LRRC20: variants seen among roughly 807,000 people sequenced by gnomAD.
LRRC20 encodes leucine rich repeat containing 20.
A neutral mutation model predicts 14.4 loss-of-function variants in LRRC20; 11 were observed. The ratio of observed to expected loss-of-function variants is 0.77; its 90% confidence interval spans 0.48 to 1.27. The LOEUF (loss-of-function observed/expected upper bound fraction) is 1.27. LRRC20 is among the 50% of genes most tolerant of loss of function. The pLI, the probability that LRRC20 is intolerant of heterozygous loss-of-function variation, is 0.00. For missense variants in LRRC20, 219 were observed against 251.2 expected (o/e 0.87, Z 0.87); for synonymous variants, 121 against 107.3 (o/e 1.13, Z -0.79).
At chr10:70,317,210 CAG>C (rs1841896547) in intron 4 of LRRC20, among the ~76,000 whole-genome samples, 4 of 152,194 alleles carry the variant, frequency 2.6e-5, no homozygotes, top group Admixed American at 6.5e-5. Context: ...CAGGATTGAG[CAG>C]AGTTTGATTC....
At chr10:70,376,981 C>A (rs533127084) in intron 1 of LRRC20, among the ~76,000 whole-genome samples, 1 of 152,340 alleles carries the variant, frequency 6.6e-6, no homozygotes, top group African/African-American at 2.4e-5. Flanking sequence ...GAGAAAGACA[C>A]CTGTCCCTCC....
intron 1 of LRRC20, among the ~76,000 whole-genome samples, chr10:70,379,853 G>A (rs1339828424): frequency 2.0e-5 from 3 of 152,308 alleles, no homozygotes; most frequent in African/African-American, 4.8e-5. Context: ...TGTAGTGGGA[G>A]AGGAATGAAA....
intron 2 of LRRC20, among the ~76,000 whole-genome samples, chr10:70,363,258 AGGGAAGGGGAG>A (rs1843822731): frequency 1.0e-5 from 1 of 96,844 alleles, no homozygotes; most frequent in South Asian, 3.8e-4. Context: ...GGTGGAGGGG[AGGGAAGGGGAG>A]GGGAGGGGAG....
intron 4 of LRRC20, among the ~76,000 whole-genome samples, chr10:70,304,473 T>TATAG (rs1272949523): frequency 8.9e-5 from 1 of 11,176 alleles, no homozygotes; most frequent in African/African-American, 4.6e-4. Context: ...CACTTCTTTA[T>TATAG]ATATATATAT....
At position 70,366,277 on chromosome 10, in the gene LRRC20, A is replaced by G. The variant is rs368017936; in HGVS notation, c.82+10175T>C. On this transcript the variant is annotated intron_variant, in intron 2 of 4. Transcript: ENST00000446961. ...GTCTCTACTAAAAATATAAAAATTA[A>G]CCAGGCATGGTGGCAGGCGCCTGTA... Among the ~76,000 whole-genome samples the G allele has an allele frequency of 4.8e-3, 702 of 145,704 alleles. 1 individual carries two copies. The highest frequency in any genetic ancestry group is 7.9e-3 in the Non-Finnish European group (520 of 66,120).
intron 3 of LRRC20, among the ~76,000 whole-genome samples, chr10:70,325,215 C>A (rs1187361767): frequency 6.6e-6 from 1 of 152,200 alleles, no homozygotes; most frequent in South Asian, 2.1e-4. Flanking sequence ...AAGGGCCCCG[C>A]ACTTGGGGTG....
At chr10:70,360,975 A>G (rs1217716422) in intron 2 of LRRC20, among the ~76,000 whole-genome samples, 1 of 151,508 alleles carries the variant, frequency 6.6e-6, no homozygotes, top group Admixed American at 6.6e-5. Flanking sequence ...ACTTGAGCCT[A>G]GACGGTTGAG....
chr10:70,375,364 G>T (rs983155632), intron 2 of LRRC20, among the ~76,000 whole-genome samples: 4 of 152,212 alleles, frequency 2.6e-5, no homozygotes, highest in Non-Finnish European at 4.4e-5. Context: ...TGCTGAAGGG[G>T]TGCTACAGAG....
intron 4 of LRRC20, among the ~76,000 whole-genome samples, chr10:70,304,229 T>A (rs1212405465): frequency 1.3e-5 from 2 of 151,708 alleles, no homozygotes; most frequent in East Asian, 3.9e-4. Context: ...CCAGAAAACC[T>A]CCCACCCTAG....
At position 70,304,470 on chromosome 10, in the gene LRRC20, TTATATATATATATATA is replaced by T. The variant is rs57284629; in HGVS notation, c.401-2978_401-2963del. Among the ~76,000 whole-genome samples the T allele has an allele frequency of 3.9e-3, 441 of 113,818 alleles. 9 individuals carry two copies. Among genetic ancestry groups the T allele is most frequent in the Admixed American group, 6.6e-3 (71 of 10,690 alleles). The allele number at this position is 113,818 out of a possible 152,430, so 74.7% of individuals were successfully genotyped here. On this transcript the variant is annotated intron_variant, in intron 4 of 4. Coordinates refer to ENST00000446961, the MANE Select transcript of LRRC20 (RefSeq NM_001278212.2). The stretch of plus-strand genomic sequence containing the variant: ...GCTATATAGATATCAGGCCACTTCT[TTATATATATATATATA>T]TATATATATATATATATATATTTTA...
chr10:70,353,025 C>T (rs963306912), intron 2 of LRRC20, among the ~76,000 whole-genome samples: 3 of 152,144 alleles, frequency 2.0e-5, no homozygotes, highest in Non-Finnish European at 2.9e-5. Flanking sequence ...GGAGCAGGAC[C>T]AACCTAGCTC....
At chr10:70,341,670 A>T (rs1306948743) in intron 2 of LRRC20, among the ~76,000 whole-genome samples, 1 of 152,210 alleles carries the variant, frequency 6.6e-6, no homozygotes, top group African/African-American at 2.4e-5. Flanking sequence ...CACAAGGCTG[A>T]GGCACGAGAA....
rs1476880824 is a variant in LRRC20, at chr10:70,299,702, A to T, written c.*1652T>A. The T allele has an allele frequency of 1.3e-5, 2 of 153,066 alleles. No individual in the cohort carries two copies. Among genetic ancestry groups the T allele is most frequent in the African/African-American group, 4.8e-5 (2 of 41,472 alleles). The allele number at this position is 153,066 out of a possible 1,614,324, so 9.5% of individuals were successfully genotyped here. A position where few individuals can be genotyped will look rare whatever the true frequency, so the allele number is the denominator to read the frequency against. On this transcript the variant is annotated 3_prime_UTR_variant, in exon 5 of 5. Transcript: ENST00000446961. ...GCCAGCGCAGCCTGCACAGGACTTC[A>T]GCCCCCACTTGCCCCCAACACCCAC...
intron 4 of LRRC20, among the ~76,000 whole-genome samples, chr10:70,308,649 G>T (rs1307454334): frequency 1.3e-5 from 2 of 152,128 alleles, no homozygotes; most frequent in African/African-American, 4.8e-5. Flanking sequence ...TCACCTGCCT[G>T]GAGCAGGAAC....
chr10:70,311,083 G>A (rs1413348033), intron 4 of LRRC20, among the ~76,000 whole-genome samples: 2 of 152,224 alleles, frequency 1.3e-5, no homozygotes, highest in East Asian at 3.9e-4. Context: ...ATGACATGCT[G>A]TTCTTCATGA....
At chr10:70,375,577 C>G (rs10740341) in intron 2 of LRRC20, among the ~76,000 whole-genome samples, 140,084 of 150,808 alleles carry the variant, frequency 0.93, 65,150 homozygotes, top group Middle Eastern at 0.99. Context: ...CAGACAGACA[C>G]ACACACACAC....
chr10:70,303,266 T>A (rs1589930231), intron 4 of LRRC20, among the ~76,000 whole-genome samples: 2 of 152,192 alleles, frequency 1.3e-5, no homozygotes, highest in African/African-American at 4.8e-5. Flanking sequence ...TGCCACTCTA[T>A]CATGCCATCT....
rs531073874 is a variant in LRRC20, at chr10:70,341,402, A to T, written c.83-700T>A. Among the ~76,000 whole-genome samples, 791 of 152,362 alleles carry T rather than the reference A, an allele frequency of 5.2e-3. 6 individuals are homozygous for T. The highest frequency in any genetic ancestry group is 8.7e-3 in the Non-Finnish European group (595 of 68,024). The stretch of plus-strand genomic sequence containing the variant: ...AAGCCAGAAAGTGGAAACAACCCAA[A>T]TGTCCACCAACTGGGGACTGGATCA... On this transcript the variant is annotated intron_variant, in intron 2 of 4. Coordinates refer to ENST00000446961, the MANE Select transcript of LRRC20 (RefSeq NM_001278212.2).
chr10:70,311,222 A>ATTTTTTTTTTTTTTTTTTTTTTT (rs11314061), intron 4 of LRRC20, among the ~76,000 whole-genome samples: 3 of 86,346 alleles, frequency 3.5e-5, no homozygotes, highest in Non-Finnish European at 4.4e-5. Context: ...TCAACATTCC[A>ATTTTTTTTTTTTTTTTTTTTTTT]TTTTTTTTTT....
Sources: gnomAD v4.1 joint callset for allele counts (sites outside exome capture counted in the v4.1 genomes callset) on GRCh38, gnomAD v4.1.1 for gene constraint, MANE v1.5 for transcripts, NCBI Gene and HGNC (gene_info 2026-07-23, HGNC 2026-07-21) for gene names.